Variants in SGCZ observed in about 807,000 individuals in gnomAD.
The protein encoded by SGCZ is sarcoglycan zeta, also known as zeta-sarcoglycan.
In SGCZ, 40 loss-of-function variants were observed where a neutral mutation model predicts 41.3. The observed-to-expected ratio is 0.97, with a 90% CI of 0.75 to 1.26. SGCZ has a LOEUF of 1.26. Among genes scored for constraint, SGCZ ranks in the 50% most tolerant of loss-of-function variants. SGCZ has a pLI of 0.00. For missense variants in SGCZ, 552 were observed against 369.8 expected (o/e 1.49, Z -4.04); for synonymous variants, 206 against 137.5 (o/e 1.50, Z -3.49).
intron 2 of SGCZ, among the ~76,000 whole-genome samples, chr8:14,350,206 T>C (rs1803039215): frequency 6.6e-6 from 1 of 151,520 alleles, no homozygotes; most frequent in African/African-American, 2.4e-5. Context: ...CTGTTTATGA[T>C]GGGAACAGTT....
At chr8:14,822,433 A>T (rs1325015419) in intron 1 of SGCZ, among the ~76,000 whole-genome samples, 4 of 152,208 alleles carry the variant, frequency 2.6e-5, no homozygotes, top group African/African-American at 9.6e-5. Flanking sequence ...TACAAAGTTA[A>T]TGCAATGCCT....
chr8:14,858,526 A>T (rs757794635), intron 1 of SGCZ, among the ~76,000 whole-genome samples: 1 of 152,138 alleles, frequency 6.6e-6, no homozygotes, highest in Admixed American at 6.6e-5. Flanking sequence ...CAAAGGAAAG[A>T]CTATTTTAGC....
At chr8:14,442,028 T>C (rs937954133) in intron 2 of SGCZ, among the ~76,000 whole-genome samples, 1 of 152,236 alleles carries the variant, frequency 6.6e-6, no homozygotes, top group Non-Finnish European at 1.5e-5. Context: ...GGGATAACAC[T>C]GAGTAAACTG....
In SGCZ at chr8:14,949,439, T is replaced by A. The variant is rs146151710; in HGVS notation, c.39+288146A>T. Among the ~76,000 whole-genome samples, 79 of 152,250 alleles carry A rather than the reference T, an allele frequency of 5.2e-4. No homozygotes were observed. The East Asian group carries it at 0.015, about 29-fold the overall frequency. ...TTCACTCTATGGACAGGAGAAAAAG[T>A]TACTGTGTAAAGAGAAGACTGATTT... On this transcript the variant is annotated intron_variant, in intron 1 of 7. Coordinates refer to ENST00000382080, the MANE Select transcript of SGCZ (RefSeq NM_139167.4).
chr8:14,103,926 T>TA (rs1191625141), intron 6 of SGCZ, among the ~76,000 whole-genome samples: 5 of 152,172 alleles, frequency 3.3e-5, no homozygotes, highest in African/African-American at 7.2e-5. Flanking sequence ...ATGTATTTTT[T>TA]ATCACTGATT....
In SGCZ at chr8:14,741,156, C is replaced by T. The variant is rs538793228; in HGVS notation, c.40-186230G>A. Among the ~76,000 whole-genome samples, 8 of 152,128 alleles carry T rather than the reference C, an allele frequency of 5.3e-5. No homozygotes were observed. The South Asian group carries it at 6.2e-4, about 12-fold the overall frequency. On this transcript the variant is annotated intron_variant, in intron 1 of 7. Transcript: ENST00000382080. ...AGCTTGTGTATTTAACTATGAAGGA[C>T]GGTTGATTCTTAATTGCTTTCTTGT...
chr8:14,450,704 G>A (rs1563337571), intron 2 of SGCZ, among the ~76,000 whole-genome samples: 1 of 152,090 alleles, frequency 6.6e-6, no homozygotes, highest in Non-Finnish European at 1.5e-5. Flanking sequence ...CCTATTTTAA[G>A]ATTCTTAGAA....
chr8:14,615,252 A>G (rs948221224), intron 1 of SGCZ, among the ~76,000 whole-genome samples: 1 of 152,216 alleles, frequency 6.6e-6, no homozygotes, highest in Non-Finnish European at 1.5e-5. Flanking sequence ...AACATAGTTT[A>G]GTTCAAACTA....
intron 1 of SGCZ, among the ~76,000 whole-genome samples, chr8:14,707,819 T>G (rs1467220940): frequency 6.6e-6 from 1 of 152,182 alleles, no homozygotes. Context: ...TAAATCACAA[T>G]TAATTTTTGA....
chr8:14,488,324 G>C (rs79639300), intron 2 of SGCZ, among the ~76,000 whole-genome samples: 25 of 152,170 alleles, frequency 1.6e-4, no homozygotes, highest in African/African-American at 6.0e-4. Context: ...GAAATTCTGC[G>C]TCCCATCGCC....
At chr8:14,903,519 T>G (rs931617956) in intron 1 of SGCZ, among the ~76,000 whole-genome samples, 1 of 152,126 alleles carries the variant, frequency 6.6e-6, no homozygotes, top group Non-Finnish European at 1.5e-5. Context: ...TATTTGAGTC[T>G]ATTTATTGAA....
intron 2 of SGCZ, among the ~76,000 whole-genome samples, chr8:14,528,335 G>A (rs1268708916): frequency 6.6e-6 from 1 of 152,034 alleles, no homozygotes; most frequent in African/African-American, 2.4e-5. Context: ...TAAAAAGACA[G>A]GACAGGACTT....
At chr8:14,363,863 T>C (rs963307045) in intron 2 of SGCZ, among the ~76,000 whole-genome samples, 3 of 152,202 alleles carry the variant, frequency 2.0e-5, no homozygotes, top group African/African-American at 7.2e-5. Flanking sequence ...CAGATTTATT[T>C]CCTCTTTAAT....
At chr8:14,579,809 T>C (rs1175849252) in intron 1 of SGCZ, among the ~76,000 whole-genome samples, 3 of 152,218 alleles carry the variant, frequency 2.0e-5, no homozygotes, top group Admixed American at 6.5e-5. Flanking sequence ...AATTTTCTCT[T>C]GATTCCCTTT....
At chr8:14,831,019 C>T (rs1802507163) in intron 1 of SGCZ, among the ~76,000 whole-genome samples, 2 of 152,242 alleles carry the variant, frequency 1.3e-5, no homozygotes, top group African/African-American at 4.8e-5. Context: ...TATTTGACTC[C>T]TAAGTAATAA....
At chr8:14,852,602 A>G (rs1803370766) in intron 1 of SGCZ, among the ~76,000 whole-genome samples, 1 of 152,222 alleles carries the variant, frequency 6.6e-6, no homozygotes, top group Admixed American at 6.5e-5. Flanking sequence ...CCTCAGTTGA[A>G]CAATTTATTG....
intron 1 of SGCZ, among the ~76,000 whole-genome samples, chr8:14,715,920 A>G (rs552019035): frequency 6.6e-6 from 1 of 152,292 alleles, no homozygotes; most frequent in Non-Finnish European, 1.5e-5. Context: ...GGTAGAAATA[A>G]AGATATCAGT....
intron 1 of SGCZ, among the ~76,000 whole-genome samples, chr8:14,835,333 C>T (rs569868693): frequency 2.6e-5 from 4 of 152,288 alleles, no homozygotes; most frequent in South Asian, 2.1e-4. Context: ...TGTAGTTATA[C>T]ATTAAAAGGT....
rs1350979516 is a variant in SGCZ at position 14,085,206 on chromosome 8, T to C, written c.*5237A>G. On this transcript the variant is annotated 3_prime_UTR_variant, in exon 8 of 8. Coordinates refer to ENST00000382080, the MANE Select transcript of SGCZ (RefSeq NM_139167.4). The stretch of plus-strand genomic sequence containing the variant: ...CACAGCTTTTGTAATTTTGGTAATA[T>C]TGCAATTTTACAAACATGTTGCATA... Among the ~76,000 whole-genome samples, 1 of 151,796 alleles carries C rather than the reference T, an allele frequency of 6.6e-6. No individual in the cohort carries two copies. Among genetic ancestry groups the C allele is most frequent in the Non-Finnish European group, 1.5e-5 (1 of 67,810 alleles).
Sources: allele counts gnomAD v4.1 joint callset (sites outside exome capture counted in the v4.1 genomes callset), GRCh38; gene constraint gnomAD v4.1.1; transcripts MANE v1.5; gene names NCBI Gene and HGNC (gene_info 2026-07-23, HGNC 2026-07-21).